CDT1: variants seen among roughly 807,000 people sequenced by gnomAD.
CDT1 encodes the protein DNA replication factor Cdt1.
CDT1 carries 66 observed loss-of-function variants against 49.3 expected under a neutral mutation model. The observed-to-expected ratio is 1.34, with a 90% CI of 1.10 to 1.64. The LOEUF is 1.64. Ranked by LOEUF, CDT1 falls within the 40% of genes most tolerant of loss-of-function variation. CDT1 has a pLI of 0.00. For missense variants in CDT1, 958 were observed against 807.7 expected, an observed-to-expected ratio of 1.19 and a Z score of -2.26; for synonymous variants, 424 against 347.4, an observed-to-expected ratio of 1.22 and a Z score of -2.45.
chr16:88,806,102 A>G lies in CDT1; in HGVS notation c.914A>G (p.His305Arg). 1 of 1,601,780 alleles carries G rather than the reference A, an allele frequency of 6.2e-7. No homozygotes were observed. Among genetic ancestry groups the G allele is most frequent in the Non-Finnish European group, 8.5e-7 (1 of 1,177,930 alleles). Residue 305 changes from histidine (H) to arginine (R), a missense_variant, in exon 6 of 10, where the codon CAT (histidine) becomes CGT (arginine). Physicochemically the swap from His to Arg is conservative, Grantham distance 29. Transcript: ENST00000301019. ...ATCTTCAGCCAGAAGCTGGTGGAGC[A>G]TGTCAAGGAGCACCACAAGGTGAGC... ...RQIFSQKLVE[H>R]VKEHHKAFLA... is the part of the protein sequence containing the mutation.
chr16:88,806,206 C>A, intron 6 of CDT1, 85 bp downstream of exon 6: 2 of 1,246,550 alleles, frequency 1.6e-6, no homozygotes, highest in Non-Finnish European at 2.3e-6. Flanking sequence ...GCATCCCTGC[C>A]ACTCACAGCT....
In CDT1 at chr16:88,806,056, C is replaced by A. The variant is rs200820843; in HGVS notation, c.868C>A (p.Arg290Ser). ...AGCAGCCCCCCAGCTCACGGCCTCG[C>A]GCCTCCTGCAGCGACGGCAGATCTT... ...DGAAPQLTAS[R>S]LLQRRQIFSQ... Residue 290 changes from arginine (R) to serine (S), a missense_variant, in exon 6 of 10, where the codon CGC becomes AGC. Coordinates refer to ENST00000301019, the MANE Select transcript of CDT1 (RefSeq NM_030928.4). 1 of 1,598,940 alleles carries A rather than the reference C, an allele frequency of 6.3e-7. No individual in the cohort carries two copies. Among genetic ancestry groups the A allele is most frequent in the African/African-American group, 1.3e-5 (1 of 74,910 alleles).
rs140663920 is a variant in CDT1 at position 88,804,568 on chromosome 16, G to A, written c.252G>A (p.Glu84=). ...AGGTTTCCAGCCCCAGTACCCCCGA[G>A]GCCCCAGACATCCCAGCCTGCCCTT... ...VDEVSSPSTP[E]APDIPACPSP... The change falls in exon 2 of 10, where the codon GAG becomes GAA. Residue 84 remains glutamate (E), a synonymous_variant. Coordinates refer to ENST00000301019, the MANE Select transcript of CDT1 (RefSeq NM_030928.4). 280 of 1,612,864 alleles carry A rather than the reference G, an allele frequency of 1.7e-4. No individual in the cohort carries two copies. In the African/African-American group the frequency reaches 3.3e-3, roughly 19 times the overall value.
At position 88,804,530 on chromosome 16, in the gene CDT1, G is replaced by A. The variant is rs752649657; in HGVS notation, c.229-15G>A. ...GGTCTTGTCATGAGTTCACCCTTGG[G>A]GTCCCTCCCACCAGGTTTCCAGCCC... On this transcript the variant is annotated splice_polypyrimidine_tract_variant and intron_variant, in intron 1 of 9. Transcript: ENST00000301019. 3 of 1,610,878 alleles carry A rather than the reference G, an allele frequency of 1.9e-6. No individual in the cohort carries two copies. The highest frequency in any genetic ancestry group is 2.7e-5 in the African/African-American group (2 of 74,892).
At chr16:88,806,909 C>T in intron 7 of CDT1, 142 bp from the exon 8 acceptor site, 1 of 1,251,670 alleles carries the variant, frequency 8.0e-7, no homozygotes, top group African/African-American at 1.5e-5. Context: ...ATGCTGCACA[C>T]TGGGACACTG....
At position 88,804,774 on chromosome 16, in the gene CDT1, G is replaced by T; in HGVS notation, c.364G>T (p.Glu122Ter). The change falls in exon 3 of 10, where the codon GAG becomes TAG. Residue 122 changes from glutamate (E) to a stop codon, truncating the protein, a stop_gained. Transcript: ENST00000301019. LOFTEE classifies it high-confidence loss of function. Reference sequence around the variant, plus strand: ...GATCCCCCTGAAGGACACCATCTCTGAGCTTGCGTCATGCCTGCAACGGGC... The same window carrying T: ...GATCCCCCTGAAGGACACCATCTCTTAGCTTGCGTCATGCCTGCAACGGGC... ...TSAQDQDTIS[E>*]LASCLQRARE... 6.2e-7 allele frequency: 1 copy of T among 1,612,862 alleles called. No homozygotes were observed. The highest frequency in any genetic ancestry group is 1.1e-5 in the South Asian group (1 of 91,086).
chr16:88,805,346 C>T, intron 3 of CDT1, 94 bp from the exon 4 acceptor site: 3 of 1,412,514 alleles, frequency 2.1e-6, no homozygotes, highest in Non-Finnish European at 2.9e-6. Flanking sequence ...GCATGGCAGG[C>T]CCCATCGGAG....
In CDT1 at chr16:88,808,465, A is replaced by G. The variant is rs1908958245; in HGVS notation, c.*187A>G. On this transcript the variant is annotated 3_prime_UTR_variant, in exon 10 of 10. Transcript: ENST00000301019. The stretch of plus-strand genomic sequence containing the variant: ...CTGGCTGCGGGCGGTGGGCCCCTTC[A>G]TGGGGCTCACCTGGTGGATTCACAT... 1.6e-6 allele frequency: 1 copy of G among 637,700 alleles called. No homozygotes were observed. The highest frequency in any genetic ancestry group is 2.7e-6 in the Non-Finnish European group (1 of 373,016). The allele number at this position is 637,700 out of a possible 1,614,324, so 39.5% of individuals were successfully genotyped here.
Position 88,803,874 on chromosome 16 carries a change from C to T in CDT1, c.43C>T (p.Pro15Ser). The change falls in exon 1 of 10, where the codon CCC becomes TCC. Residue 15 changes from proline to serine, a missense_variant. Pro to Ser is a moderately conservative substitution (Grantham distance 74, BLOSUM62 -1). Coordinates refer to ENST00000301019, the MANE Select transcript of CDT1 (RefSeq NM_030928.4). ...RVTDFFARRR[P>S]GPPRIAPPKL... ...CACCGACTTCTTCGCGCGCCGCCGCCCCGGGCCCCCCCGCATCGCGCCGCC... is the reference window on the plus strand; with the variant it reads ...CACCGACTTCTTCGCGCGCCGCCGCTCCGGGCCCCCCCGCATCGCGCCGCC... 6.8e-7 allele frequency: 1 copy of T among 1,477,216 alleles called. No homozygotes were observed. Among genetic ancestry groups the T allele is most frequent in the Non-Finnish European group, 9.0e-7 (1 of 1,111,786 alleles). The allele number at this position is 1,477,216 out of a possible 1,614,324, so 91.5% of individuals were successfully genotyped here. A position where few individuals can be genotyped will look rare whatever the true frequency, so the allele number is the denominator to read the frequency against.
In CDT1 at chr16:88,804,591, C is replaced by T. The variant is rs758373042; in HGVS notation, c.275C>T (p.Pro92Leu). The T allele has an allele frequency of 1.1e-5, 17 of 1,613,100 alleles. No homozygotes were observed. The highest frequency in any genetic ancestry group is 1.4e-5 in the Non-Finnish European group (17 of 1,179,932). ...TPEAPDIPAC[P>L]SPGQKIKKST... The stretch of plus-strand genomic sequence containing the variant: ...GAGGCCCCAGACATCCCAGCCTGCC[C>T]TTCTCCGGGCCAGAAGATAAAGAAA... The change falls in exon 2 of 10, where the codon CCT becomes CTT. Residue 92 changes from proline (P) to leucine (L), a missense_variant. Pro to Leu is a moderately conservative substitution (Grantham distance 98, BLOSUM62 -3). Transcript: ENST00000301019.
intron 3 of CDT1, 98 bp downstream of exon 3, chr16:88,804,996 C>A: frequency 6.8e-7 from 1 of 1,465,130 alleles, no homozygotes; most frequent in Non-Finnish European, 9.1e-7. Context: ...CTGCTCCTTC[C>A]AGGGAGGGTG....
Position 88,808,236 on chromosome 16 carries a change from T to C in CDT1, c.1599T>C (p.Thr533=), listed in dbSNP as rs748784219. The part of the protein sequence containing the change: ...LDKAADLAHI[T]ARLAHQTRAE... ...AGGCCGCGGACCTCGCCCACATCAC[T>C]GCACGCCTGGCCCACCAGACACGTG... Residue 533 remains threonine, a synonymous_variant, in exon 10 of 10, where the codon ACT becomes ACC. Coordinates refer to ENST00000301019, the MANE Select transcript of CDT1 (RefSeq NM_030928.4). 8.1e-6 allele frequency: 13 copies of C among 1,605,494 alleles called. No homozygotes were observed. In the Admixed American group the frequency reaches 2.2e-4, roughly 27 times the overall value.
rs1435492295 is a variant in CDT1, at chr16:88,804,545, G to T, written c.229G>T (p.Val77Phe). 4 of 1,611,940 alleles carry T rather than the reference G, an allele frequency of 2.5e-6. No individual in the cohort carries two copies. The highest frequency in any genetic ancestry group is 3.4e-6 in the Non-Finnish European group (4 of 1,179,358). The change falls in exon 2 of 10, where the codon GTT becomes TTT. Residue 77 changes from valine to phenylalanine, a missense_variant and splice_region_variant. Val to Phe is a conservative substitution (Grantham distance 50). Coordinates refer to ENST00000301019, the MANE Select transcript of CDT1 (RefSeq NM_030928.4). ...RRRLRLSVDE[V>F]SSPSTPEAPD... Reference sequence around the variant, plus strand: ...TCACCCTTGGGGTCCCTCCCACCAGGTTTCCAGCCCCAGTACCCCCGAGGC... The same window carrying T: ...TCACCCTTGGGGTCCCTCCCACCAGTTTTCCAGCCCCAGTACCCCCGAGGC...
Position 88,807,313 on chromosome 16 carries a change from A to C in CDT1, c.1308A>C (p.Ala436=). The change falls in exon 9 of 10, where the codon GCA becomes GCC. Residue 436 remains alanine (A), a synonymous_variant. Coordinates refer to ENST00000301019, the MANE Select transcript of CDT1 (RefSeq NM_030928.4). The part of the protein sequence containing the change: ...IRAKEAQKQL[A]QMTRCPEQEQ... ...CCAAGGAGGCACAGAAGCAGCTGGC[A>C]CAGATGACGCGGTGCCCGGAGCAGG... is the stretch of plus-strand genomic sequence containing the variant. The C allele has an allele frequency of 6.2e-7, 1 of 1,612,478 alleles. No individual in the cohort carries two copies. Among genetic ancestry groups the C allele is most frequent in the Non-Finnish European group, 8.5e-7 (1 of 1,179,896 alleles).
At position 88,806,593 on chromosome 16, in the gene CDT1, G is replaced by A. The variant is rs560037813; in HGVS notation, c.1041G>A (p.Ala347=). 2 of 1,607,986 alleles carry A rather than the reference G, an allele frequency of 1.2e-6. No homozygotes were observed. Among genetic ancestry groups the A allele is most frequent in the African/African-American group, 1.3e-5 (1 of 74,954 alleles). Reference sequence around the variant, plus strand: ...AAGTACCCGACATCGAGCCGGCCGCGCTGCCCCAGCCACCCGCCACGGAGA... The same window carrying A: ...AAGTACCCGACATCGAGCCGGCCGCACTGCCCCAGCCACCCGCCACGGAGA... ...VDEVPDIEPA[A]LPQPPATEKL... Residue 347 remains alanine, a synonymous_variant, in exon 7 of 10, where the codon GCG becomes GCA. Transcript: ENST00000301019.
chr16:88,804,521 C>T lies in CDT1; in HGVS notation c.229-24C>T, dbSNP rs557128588. The T allele has an allele frequency of 7.5e-6, 12 of 1,608,722 alleles. No individual in the cohort carries two copies. The South Asian group carries it at 1.3e-4, about 18-fold the overall frequency. On this transcript the variant is annotated intron_variant, in intron 1 of 9. Coordinates refer to ENST00000301019, the MANE Select transcript of CDT1 (RefSeq NM_030928.4). ...GGAGCACCAGGTCTTGTCATGAGTT[C>T]ACCCTTGGGGTCCCTCCCACCAGGT...
rs759835025 is a variant in CDT1 at position 88,808,216 on chromosome 16, G to T, written c.1579G>T (p.Ala527Ser). Residue 527 changes from alanine to serine, a missense_variant, in exon 10 of 10, where the codon GCG (alanine) becomes TCG (serine). Coordinates refer to ENST00000301019, the MANE Select transcript of CDT1 (RefSeq NM_030928.4). ...TDTYVKLDKA[A>S]DLAHITARLA... ...CACCTACGTCAAGCTGGACAAGGCC[G>T]CGGACCTCGCCCACATCACTGCACG... 115 of 1,610,690 alleles carry T rather than the reference G, an allele frequency of 7.1e-5. 1 individual carries two copies. Among genetic ancestry groups the T allele is most frequent in the South Asian group, 7.7e-5 (7 of 90,584 alleles).
rs1908748765 is a variant in CDT1, at chr16:88,803,977, A to AGCGC, written c.149_152dup (p.Ala56ArgfsTer68). 1.4e-6 allele frequency: 2 copies of AGCGC among 1,439,936 alleles called. No homozygotes were observed. Among genetic ancestry groups the AGCGC allele is most frequent in the Non-Finnish European group, 1.8e-6 (2 of 1,100,846 alleles). The allele number at this position is 1,439,936 out of a possible 1,614,324, so 89.2% of individuals were successfully genotyped here. ...GCCTCCGCTACCAGTGGCAGCCGCAAGCGCGCCCGCCCGCCCGCCGCCCCC... is the reference window on the plus strand; with the variant it reads ...GCCTCCGCTACCAGTGGCAGCCGCAAGCGCGCGCGCCCGCCCGCCCGCCGCCCCC... On this transcript the variant is annotated frameshift_variant, in exon 1 of 10. Coordinates refer to ENST00000301019, the MANE Select transcript of CDT1 (RefSeq NM_030928.4). LOFTEE classifies it high-confidence loss of function.
chr16:88,804,811 GGGCAAGAGTCCGGGCGCTGAA>G lies in CDT1; in HGVS notation c.405_425del (p.Arg136_Ala142del). 1.2e-6 allele frequency: 2 copies of G among 1,612,676 alleles called. No homozygotes were observed. The highest frequency in any genetic ancestry group is 1.7e-6 in the Non-Finnish European group (2 of 1,179,862). On this transcript the variant is annotated inframe_deletion, in exon 3 of 10. Coordinates refer to ENST00000301019, the MANE Select transcript of CDT1 (RefSeq NM_030928.4). Reference sequence around the variant, plus strand: ...TGCCTGCAACGGGCCCGGGAGCTGGGGGCAAGAGTCCGGGCGCTGAAGGCCAGTGCCCAGGATGCTGGGGAG... The same window carrying G: ...TGCCTGCAACGGGCCCGGGAGCTGGGGGCCAGTGCCCAGGATGCTGGGGAG...
Sources: gnomAD v4.1 joint callset for allele counts on GRCh38, gnomAD v4.1.1 for gene constraint, MANE v1.5 for transcripts, NCBI Gene and HGNC (gene_info 2026-07-23, HGNC 2026-07-21) for gene names.